Variants in KCNAB2 observed in about 807,000 individuals in gnomAD.
The protein encoded by KCNAB2 is potassium voltage-gated channel subfamily A regulatory beta subunit 2.
In KCNAB2, 29 loss-of-function variants were observed where a neutral mutation model predicts 63.6. The ratio of observed to expected loss-of-function variants is 0.46; its 90% CI spans 0.34 to 0.62. The LOEUF (loss-of-function observed/expected upper bound fraction) is 0.62, where lower values mean the gene tolerates loss of function less well. Among genes scored for constraint, KCNAB2 ranks in the 20% least tolerant of loss-of-function variants. KCNAB2 has a pLI of 0.01. For missense variants in KCNAB2, 359 were observed against 563.9 expected (o/e 0.64, Z 3.68); for synonymous variants, 222 against 224.2 (o/e 0.99, Z 0.09).
At chr1:6,092,708 T>C (rs921439865) in intron 10 of KCNAB2, among the ~76,000 whole-genome samples, 56 of 152,222 alleles carry the variant, frequency 3.7e-4, no homozygotes, top group African/African-American at 1.3e-3. Context: ...TTCCTGAGGG[T>C]CTATCGGAGT....
In KCNAB2 at chr1:6,049,071, G is replaced by A. The variant is rs565417149; in HGVS notation, c.-26-2440G>A. ...TCCCAGCATAGAAATGAGCAGTGGT[G>A]AATGCAACTCCTGGCATGGGAACCC... is the stretch of plus-strand genomic sequence containing the variant. On this transcript the variant is annotated intron_variant, in intron 1 of 15. Transcript: ENST00000378083. Among the ~76,000 whole-genome samples the A allele has an allele frequency of 1.9e-3, 285 of 152,356 alleles. 4 individuals carry two copies. Among genetic ancestry groups the A allele is most frequent in the South Asian group, 0.016 (79 of 4,832 alleles).
chr1:6,094,362 C>G, intron 10 of KCNAB2, 38 bp from the exon 11 acceptor site: 1 of 1,546,588 alleles, frequency 6.5e-7, no homozygotes, highest in East Asian at 2.3e-5. Flanking sequence ...TGAGCCCTGG[C>G]TGCCCCCCAC....
At position 6,100,010 on chromosome 1, in the gene KCNAB2, G is replaced by A. The variant is rs1430267406; in HGVS notation, c.*1436G>A. On this transcript the variant is annotated 3_prime_UTR_variant, in exon 16 of 16. Transcript: ENST00000378083. ...TCCACTGAAGCCACCCCCACCCCTCGCCAGCTAGCTCCATAGGGAAGCCTG... is the reference window on the plus strand; with the variant it reads ...TCCACTGAAGCCACCCCCACCCCTCACCAGCTAGCTCCATAGGGAAGCCTG... The A allele has an allele frequency of 2.1e-5, 32 of 1,538,288 alleles. No individual in the cohort carries two copies. The highest frequency in any genetic ancestry group is 3.7e-5 in the South Asian group (3 of 82,172).
At position 6,096,118 on chromosome 1, in the gene KCNAB2, C is replaced by T. The variant is rs1190794709; in HGVS notation, c.948+494C>T. 1 of 457,730 alleles carries T rather than the reference C, an allele frequency of 2.2e-6. No homozygotes were observed. Among genetic ancestry groups the T allele is most frequent in the Non-Finnish European group, 4.4e-6 (1 of 227,980 alleles). 28.4% of individuals were successfully genotyped at this position (457,730 alleles called of 1,614,324 possible). On this transcript the variant is annotated intron_variant, in intron 13 of 15. Transcript: ENST00000378083. This position sits in a 1 kb window ranked among gnomAD's most constrained non-coding sequence, Gnocchi z 5.9. The stretch of plus-strand genomic sequence containing the variant: ...AAGGAGCAGGCCAAGAAAGTCTGCC[C>T]AGCCAGCAGTCTCAGCACTGGGGCC...
chr1:6,099,610 T>C lies in KCNAB2; in HGVS notation c.*1036T>C, dbSNP rs780948677. On this transcript the variant is annotated 3_prime_UTR_variant, in exon 16 of 16. Coordinates refer to ENST00000378083, the MANE Select transcript of KCNAB2 (RefSeq NM_001199862.2). Reference sequence around the variant, plus strand: ...GCCGCCCGCCAGCCCAGGCCGCTGCTCTGCACCGAGCTGGTGGGCTTGGGT... The same window carrying C: ...GCCGCCCGCCAGCCCAGGCCGCTGCCCTGCACCGAGCTGGTGGGCTTGGGT... 169 of 738,902 alleles carry C rather than the reference T, an allele frequency of 2.3e-4. No homozygotes were observed. Among genetic ancestry groups the C allele is most frequent in the Non-Finnish European group, 3.2e-4 (155 of 485,412 alleles). The allele number at this position is 738,902 out of a possible 1,614,324, so 45.8% of individuals were successfully genotyped here. A position where few individuals can be genotyped will look rare whatever the true frequency, so the allele number is the denominator to read the frequency against.
chr1:6,088,030 A>G (rs1168592255), intron 7 of KCNAB2, among the ~76,000 whole-genome samples: 1 of 152,046 alleles, frequency 6.6e-6, no homozygotes, highest in East Asian at 1.9e-4. Flanking sequence ...CGATTCATTC[A>G]TTCATTCTTT....
At position 6,078,458 on chromosome 1, in the gene KCNAB2, T is replaced by C. The variant is rs752975053; in HGVS notation, c.301-3737T>C. On this transcript the variant is annotated intron_variant, in intron 4 of 15. Coordinates refer to ENST00000378083, the MANE Select transcript of KCNAB2 (RefSeq NM_001199862.2). This position sits in a 1 kb window ranked among gnomAD's most constrained non-coding sequence, Gnocchi z 4.2. ...AAGGAGGGCAGGGGGGCGGGGGTCC[T>C]GACGACAGGGTGGTCAGGAAGCAGA... Among the ~76,000 whole-genome samples, 7 of 152,074 alleles carry C rather than the reference T, an allele frequency of 4.6e-5. No individual in the cohort carries two copies. Among genetic ancestry groups the C allele is most frequent in the Non-Finnish European group, 8.8e-5 (6 of 67,978 alleles).
chr1:5,993,969 C>T (rs912532340), intron 1 of KCNAB2, among the ~76,000 whole-genome samples: 2 of 152,130 alleles, frequency 1.3e-5, no homozygotes, highest in Middle Eastern at 3.2e-3. Flanking sequence ...GTTGTCTTTT[C>T]CTCCCTTTCA....
At chr1:6,006,712 TC>T (rs1657811302) in intron 1 of KCNAB2, among the ~76,000 whole-genome samples, 2 of 75,592 alleles carry the variant, frequency 2.6e-5, no homozygotes, top group Non-Finnish European at 5.3e-5. Context: ...CACTTCACCC[TC>T]ACTCCTCAGC....
chr1:5,994,365 C>G lies in KCNAB2; in HGVS notation c.-53+1577C>G, dbSNP rs980552900. Among the ~76,000 whole-genome samples the G allele has an allele frequency of 6.6e-6, 1 of 152,234 alleles. No homozygotes were observed. Among genetic ancestry groups the G allele is most frequent in the African/African-American group, 2.4e-5 (1 of 41,448 alleles). On this transcript the variant is annotated intron_variant, in intron 1 of 16. Coordinates refer to the KCNAB2 transcript ENST00000341524. The surrounding 1 kb of genome is among the most constrained non-coding windows in gnomAD (Gnocchi z 5.4). Reference sequence around the variant, plus strand: ...TGCAGAGCCCTGTGCAGCTCCTGGCCCTGTGCTCTCGCAGTGTGGGGCCCT... The same window carrying G: ...TGCAGAGCCCTGTGCAGCTCCTGGCGCTGTGCTCTCGCAGTGTGGGGCCCT...
chr1:6,083,998 G>A (rs946859231), intron 5 of KCNAB2, among the ~76,000 whole-genome samples: 1 of 152,174 alleles, frequency 6.6e-6, no homozygotes, highest in Admixed American at 6.5e-5. Context: ...CAGGGACCAA[G>A]GAATAAAAGG....
chr1:5,997,251 G>A (rs534667473), intron 1 of KCNAB2, among the ~76,000 whole-genome samples: 5 of 152,290 alleles, frequency 3.3e-5, no homozygotes, highest in South Asian at 2.1e-4. Flanking sequence ...TTCCTTCTGC[G>A]TGGTTTCCTG....
upstream of KCNAB2, among the ~76,000 whole-genome samples, chr1:6,031,088 G>A (rs991029210): frequency 6.6e-6 from 1 of 151,998 alleles, no homozygotes; most frequent in Non-Finnish European, 1.5e-5. The surrounding 1 kb of genome is among the most constrained non-coding windows in gnomAD (Gnocchi z 4.1). Flanking sequence ...AGAACATGTG[G>A]GTAACCATAA....
chr1:6,025,401 G>C (rs1362184535), intron 1 of KCNAB2, among the ~76,000 whole-genome samples: 4 of 152,184 alleles, frequency 2.6e-5, no homozygotes, highest in Non-Finnish European at 5.9e-5. Flanking sequence ...AGCTTGGGCT[G>C]TGCCCAGAGT....
intron 2 of KCNAB2, among the ~76,000 whole-genome samples, chr1:6,053,608 C>T (rs1010395313): frequency 6.6e-6 from 1 of 152,046 alleles, no homozygotes; most frequent in Non-Finnish European, 1.5e-5. Context: ...AAGGCCCAGG[C>T]GGCTAGGCTG....
chr1:6,050,547 C>A (rs923038767), intron 1 of KCNAB2, among the ~76,000 whole-genome samples: 1 of 152,236 alleles, frequency 6.6e-6, no homozygotes, highest in African/African-American at 2.4e-5. Flanking sequence ...TCTCCCTTGG[C>A]CTTTTAATTG....
At chr1:6,090,175 C>T (rs976664730) in intron 8 of KCNAB2, among the ~76,000 whole-genome samples, 4 of 152,200 alleles carry the variant, frequency 2.6e-5, no homozygotes, top group Non-Finnish European at 2.9e-5. Flanking sequence ...TGTGGTCCCC[C>T]GATGTCCTCC....
rs1279164272 is a variant in KCNAB2 at position 6,100,360 on chromosome 1, C to T, written c.*1786C>T. The T allele has an allele frequency of 1.2e-5, 3 of 250,084 alleles. No individual in the cohort carries two copies. The highest frequency in any genetic ancestry group is 2.3e-5 in the Non-Finnish European group (3 of 131,622). The allele number at this position is 250,084 out of a possible 1,614,324, so 15.5% of individuals were successfully genotyped here. A position where few individuals can be genotyped will look rare whatever the true frequency, so the allele number is the denominator to read the frequency against. On this transcript the variant is annotated 3_prime_UTR_variant, in exon 16 of 16. Coordinates refer to ENST00000378083, the MANE Select transcript of KCNAB2 (RefSeq NM_001199862.2). ...GCTGCCTGCTTCACCAGAAGCAGCCCTGTGAGTGTGGGGTGGGGAAGTCCC... is the reference window on the plus strand; with the variant it reads ...GCTGCCTGCTTCACCAGAAGCAGCCTTGTGAGTGTGGGGTGGGGAAGTCCC...
rs374791462 is a variant in KCNAB2 at position 6,082,292 on chromosome 1, C to T, written c.380+18C>T. On this transcript the variant is annotated intron_variant, in intron 5 of 15. Transcript: ENST00000378083. ...GCCGGCAAGTACGTGTCTTTTCACA[C>T]GGGAAAAAGTGGTTCAGAATGCCTG... 4.4e-5 allele frequency: 70 copies of T among 1,600,826 alleles called. No homozygotes were observed. Among genetic ancestry groups the T allele is most frequent in the African/African-American group, 2.4e-4 (18 of 74,436 alleles).
Sources: gnomAD v4.1 joint callset for allele counts (sites outside exome capture counted in the v4.1 genomes callset) on GRCh38, gnomAD v4.1.1 for gene constraint, Gnocchi (gnomAD v3.1) non-coding constraint, MANE v1.5 for transcripts, NCBI Gene and HGNC (gene_info 2026-07-23, HGNC 2026-07-21) for gene names.